ARHGEF10: variants seen among roughly 807,000 people sequenced by gnomAD.
The protein encoded by ARHGEF10 is Rho guanine nucleotide exchange factor 10.
ARHGEF10 carries 140 observed loss-of-function variants against 147.4 expected under a neutral mutation model. The ratio of observed to expected loss-of-function variants is 0.95; its 90% CI spans 0.83 to 1.09. The LOEUF (loss-of-function observed/expected upper bound fraction) is 1.09, where lower values mean the gene tolerates loss of function less well. Among genes scored for constraint, ARHGEF10 ranks in the 50% least tolerant of loss-of-function variants. ARHGEF10 has a pLI of 0.00. For synonymous variants in ARHGEF10, 902 were observed against 695.8 expected (o/e 1.30, Z -4.67); for missense variants, 2,222 against 1,752.7 (o/e 1.27, Z -4.78).
chr8:1,912,058 C>T (rs1023426790), intron 18 of ARHGEF10, among the ~76,000 whole-genome samples: 5 of 152,198 alleles, frequency 3.3e-5, no homozygotes, highest in Admixed American at 3.3e-4. Context: ...TTGATATTGA[C>T]AGAGTGTAGG....
chr8:1,873,299 C>T (rs1377537670), intron 7 of ARHGEF10, among the ~76,000 whole-genome samples: 1 of 152,228 alleles, frequency 6.6e-6, no homozygotes, highest in African/African-American at 2.4e-5. Context: ...CAGTAAACCA[C>T]CCACAGCACG....
intron 7 of ARHGEF10, among the ~76,000 whole-genome samples, chr8:1,875,567 C>G (rs1410277288): frequency 6.6e-6 from 1 of 152,228 alleles, no homozygotes; most frequent in East Asian, 1.9e-4. Context: ...CACACTGCAG[C>G]TTCTGCAAAG....
Position 1,880,046 on chromosome 8 carries a change from A to T in ARHGEF10, c.844-2A>T. 3 of 1,600,698 alleles carry T rather than the reference A, an allele frequency of 1.9e-6. No individual in the cohort carries two copies. The highest frequency in any genetic ancestry group is 2.6e-6 in the Non-Finnish European group (3 of 1,167,674). On this transcript the variant is annotated splice_acceptor_variant, in intron 8 of 28. Coordinates refer to ENST00000349830, the MANE Select transcript of ARHGEF10 (RefSeq NM_014629.4). LOFTEE classifies it high-confidence loss of function. Reference sequence around the variant, plus strand: ...AAAAGACTGTGTCTCTTTATGCTGTAGCTTTCTCATGACCTAACCCGTTTA... The same window carrying T: ...AAAAGACTGTGTCTCTTTATGCTGTTGCTTTCTCATGACCTAACCCGTTTA...
At chr8:1,899,731 G>C (rs1316111954) in intron 15 of ARHGEF10, among the ~76,000 whole-genome samples, 1 of 152,184 alleles carries the variant, frequency 6.6e-6, no homozygotes, top group Non-Finnish European at 1.5e-5. Context: ...TATTCAAAGT[G>C]TGTTTTATTT....
intron 18 of ARHGEF10, among the ~76,000 whole-genome samples, chr8:1,920,481 C>G (rs1345786933): frequency 7.2e-6 from 1 of 139,044 alleles, no homozygotes; most frequent in Non-Finnish European, 1.5e-5. Context: ...CATCACAATG[C>G]CTGGCTAATT....
intron 12 of ARHGEF10, 98 bp from the exon 13 acceptor site, chr8:1,894,295 A>T (rs1809789800): frequency 7.9e-7 from 1 of 1,269,858 alleles, no homozygotes; most frequent in Non-Finnish European, 1.1e-6. Flanking sequence ...GGCTGCAGTG[A>T]GCCATGATCG....
chr8:1,866,801 C>T (rs1331446067), intron 6 of ARHGEF10, among the ~76,000 whole-genome samples, 199 bp downstream of exon 6: 1 of 152,200 alleles, frequency 6.6e-6, no homozygotes, highest in Non-Finnish European at 1.5e-5. Flanking sequence ...CGTGAGGCCA[C>T]CCCAGCTCTC....
intron 27 of ARHGEF10, among the ~76,000 whole-genome samples, chr8:1,946,335 G>A (rs1814587844): frequency 6.6e-6 from 1 of 152,222 alleles, no homozygotes; most frequent in East Asian, 1.9e-4. Context: ...TAAGGGCTCT[G>A]CCTCCGAGCC....
chr8:1,865,987 C>G (rs1319082885), intron 5 of ARHGEF10, among the ~76,000 whole-genome samples: 1 of 152,206 alleles, frequency 6.6e-6, no homozygotes, highest in Non-Finnish European at 1.5e-5. Flanking sequence ...GGAGCATTCC[C>G]GTAGCTACCC....
intron 2 of ARHGEF10, among the ~76,000 whole-genome samples, chr8:1,847,566 G>C (rs1184105457): frequency 1.3e-5 from 2 of 152,020 alleles, no homozygotes; most frequent in African/African-American, 4.8e-5. Flanking sequence ...ACTCACACTG[G>C]CATCGTCTCT....
At chr8:1,888,606 T>TGCC (rs1257227316) in intron 11 of ARHGEF10, among the ~76,000 whole-genome samples, 32 of 113,598 alleles carry the variant, frequency 2.8e-4, no homozygotes, top group Admixed American at 6.1e-4. Context: ...TGTCACTGAG[T>TGCC]GTGGTGAGGT....
chr8:1,901,275 G>T (rs143881733), intron 15 of ARHGEF10, among the ~76,000 whole-genome samples: 3 of 152,150 alleles, frequency 2.0e-5, no homozygotes, highest in African/African-American at 7.2e-5. Flanking sequence ...AGACAGTGTG[G>T]AGAGGCCTGG....
At chr8:1,867,349 G>A (rs1166699847) in intron 6 of ARHGEF10, among the ~76,000 whole-genome samples, 1 of 152,066 alleles carries the variant, frequency 6.6e-6, no homozygotes, top group African/African-American at 2.4e-5. Flanking sequence ...ACAATTTTTG[G>A]TCACGTGAAT....
intron 14 of ARHGEF10, 72 bp downstream of exon 14, chr8:1,896,521 G>A: frequency 9.5e-7 from 1 of 1,051,146 alleles, no homozygotes; most frequent in African/African-American, 1.6e-5. Flanking sequence ...GCTTGACTCT[G>A]AATGCAGTTA....
chr8:1,880,887 G>C lies in ARHGEF10; in HGVS notation c.960+723G>C, dbSNP rs906589679. Among the ~76,000 whole-genome samples, 17 of 152,336 alleles carry C rather than the reference G, an allele frequency of 1.1e-4. 1 individual carries two copies. In the South Asian group the frequency reaches 2.9e-3, roughly 26 times the overall value. On this transcript the variant is annotated intron_variant, in intron 9 of 28. Coordinates refer to ENST00000349830, the MANE Select transcript of ARHGEF10 (RefSeq NM_014629.4). ...CTGGAGCAGCCGGCTCATCCGCCCT[G>C]TTGTGCTTGGGCCATCAGAAGCCAC...
At chr8:1,949,018 ATGTGTG>A (rs56097916) in intron 27 of ARHGEF10, among the ~76,000 whole-genome samples, 10 of 150,056 alleles carry the variant, frequency 6.7e-5, no homozygotes, top group South Asian at 2.1e-4. Flanking sequence ...ATGGGTTTTC[ATGTGTG>A]TGTGTGTGTG....
At chr8:1,907,012 A>G (rs1320194804) in intron 17 of ARHGEF10, among the ~76,000 whole-genome samples, 2 of 152,242 alleles carry the variant, frequency 1.3e-5, no homozygotes, top group Non-Finnish European at 2.9e-5. Context: ...CGACAGCCGC[A>G]GGCCACCTGC....
chr8:1,873,513 G>C (rs1216460781), intron 7 of ARHGEF10, among the ~76,000 whole-genome samples: 11 of 51,688 alleles, frequency 2.1e-4, no homozygotes, highest in East Asian at 1.6e-3. Context: ...TTCCTCGTTT[G>C]AGAGGCGCCC....
chr8:1,910,447 G>A (rs1196951692), intron 18 of ARHGEF10, among the ~76,000 whole-genome samples: 1 of 152,130 alleles, frequency 6.6e-6, no homozygotes, highest in Non-Finnish European at 1.5e-5. Flanking sequence ...AATTCGTCAA[G>A]CATATTATTA....
Sources: gnomAD v4.1 joint callset for allele counts (sites outside exome capture counted in the v4.1 genomes callset) on GRCh38, gnomAD v4.1.1 for gene constraint, MANE v1.5 for transcripts, NCBI Gene and HGNC (gene_info 2026-07-23, HGNC 2026-07-21) for gene names.